MYO9A: variants seen among roughly 807,000 people sequenced by gnomAD.
MYO9A encodes myosin IXA, also known as unconventional myosin-IXa.
MYO9A carries 103 observed loss-of-function variants against 293.3 expected under a neutral mutation model. That is an observed-to-expected ratio of 0.35 (90% confidence interval 0.30 to 0.41). The LOEUF is 0.41. Among genes scored for constraint, MYO9A ranks in the 10% least tolerant of loss-of-function variants. MYO9A has a pLI of 1.00. For synonymous variants in MYO9A, 1,001 were observed against 1,035.7 expected (o/e 0.97, Z 0.64); for missense variants, 2,685 against 3,033.0 (o/e 0.89, Z 2.69).
intron 1 of MYO9A, among the ~76,000 whole-genome samples, chr15:72,049,184 C>T (rs2078480317): frequency 1.3e-5 from 2 of 152,036 alleles, no homozygotes; most frequent in African/African-American, 4.8e-5. Flanking sequence ...ATGTTTACTA[C>T]TTTTTTAAGA....
intron 39 of MYO9A, among the ~76,000 whole-genome samples, chr15:71,841,690 C>A (rs1596005321): frequency 6.6e-6 from 1 of 151,942 alleles, no homozygotes; most frequent in East Asian, 1.9e-4. Flanking sequence ...GTCACCCAGG[C>A]TGGAGTGCAG....
intron 19 of MYO9A, among the ~76,000 whole-genome samples, chr15:71,913,159 C>T (rs772961345): frequency 1.6e-4 from 25 of 152,006 alleles, no homozygotes; most frequent in Admixed American, 1.0e-3. Context: ...TTGCTATTTT[C>T]GTTTTTTTAC....
intron 18 of MYO9A, among the ~76,000 whole-genome samples, chr15:71,917,639 AT>A (rs1265866208): frequency 1.3e-5 from 2 of 152,234 alleles, no homozygotes; most frequent in Non-Finnish European, 1.5e-5. Flanking sequence ...CAACTAAAGT[AT>A]ACAAAGTAAA....
At chr15:71,912,732 T>A (rs563749727) in intron 19 of MYO9A, among the ~76,000 whole-genome samples, 1 of 152,206 alleles carries the variant, frequency 6.6e-6, no homozygotes, top group Non-Finnish European at 1.5e-5. Context: ...TCTGAAAATG[T>A]CTCTACTTAA....
At chr15:71,889,444 CTTTTTTTTTTTT>C (rs34913367) in intron 26 of MYO9A, 1 of 87,656 alleles carries the variant, frequency 1.1e-5, no homozygotes, top group Non-Finnish European at 2.1e-5. Flanking sequence ...TCTAACAAAC[CTTTTTTTTTTTT>C]TTTTTTTTTT....
chr15:72,023,600 C>T (rs188835312), intron 4 of MYO9A, among the ~76,000 whole-genome samples: 5 of 149,670 alleles, frequency 3.3e-5, no homozygotes, highest in Non-Finnish European at 4.4e-5. Flanking sequence ...GAGGCTGAGG[C>T]AGGAGAATCA....
intron 15 of MYO9A, among the ~76,000 whole-genome samples, chr15:71,940,479 G>A (rs2058745892): frequency 6.6e-6 from 1 of 152,048 alleles, no homozygotes; most frequent in African/African-American, 2.4e-5. Flanking sequence ...GTGACAGAGT[G>A]AGACCCTGTC....
At chr15:71,887,715 ACTTG>A (rs1406468676) in intron 27 of MYO9A, among the ~76,000 whole-genome samples, 8 of 152,128 alleles carry the variant, frequency 5.3e-5, no homozygotes, top group African/African-American at 1.9e-4. Flanking sequence ...GTATGCACTA[ACTTG>A]CTTATTTTTC....
intron 1 of MYO9A, among the ~76,000 whole-genome samples, chr15:72,061,587 G>A (rs942911882): frequency 6.6e-6 from 1 of 151,128 alleles, no homozygotes; most frequent in African/African-American, 2.4e-5. Context: ...GTAGCCACAG[G>A]GAGAGACTCC....
At chr15:71,930,969 C>T (rs2058459106) in intron 18 of MYO9A, among the ~76,000 whole-genome samples, 1 of 152,166 alleles carries the variant, frequency 6.6e-6, no homozygotes, top group Non-Finnish European at 1.5e-5. Flanking sequence ...CACTTTTACT[C>T]ACCCTTCATG....
At chr15:71,855,741 C>T (rs562185401) in intron 34 of MYO9A, among the ~76,000 whole-genome samples, 61 of 152,236 alleles carry the variant, frequency 4.0e-4, no homozygotes, top group South Asian at 1.0e-3. Context: ...TATCACTAAC[C>T]AATTAGACTA....
rs1348026359 is a variant in MYO9A at position 71,899,702 on chromosome 15, A to C, written c.3455T>G (p.Phe1152Cys). The change falls in exon 24 of 42, where the codon TTC (phenylalanine) becomes TGC (cysteine). Residue 1152 changes from phenylalanine to cysteine, a missense_variant. Coordinates refer to ENST00000356056, the MANE Select transcript of MYO9A (RefSeq NM_006901.4). ...TAGAGATTACCTTTGTCTTGCTCTG[A>C]ATCCTCTACATGTTGATTGCAAAAG... Reference protein sequence around the residue: ...IILLQSTCRGFRARQRFKALK... With the variant: ...IILLQSTCRGCRARQRFKALK... 6.2e-7 allele frequency: 1 copy of C among 1,612,718 alleles called. No individual in the cohort carries two copies. The highest frequency in any genetic ancestry group is 1.3e-5 in the African/African-American group (1 of 74,768).
intron 26 of MYO9A, chr15:71,892,988 C>A: frequency 7.8e-7 from 1 of 1,283,082 alleles, no homozygotes; most frequent in South Asian, 1.3e-5. Context: ...CTGTGAGAGG[C>A]CTGACCCAGG....
chr15:72,033,325 C>T (rs1028961980), intron 2 of MYO9A, among the ~76,000 whole-genome samples: 21 of 152,018 alleles, frequency 1.4e-4, no homozygotes, highest in Admixed American at 1.4e-3. Flanking sequence ...AAAATAATTA[C>T]AATTTTAGAA....
intron 13 of MYO9A, among the ~76,000 whole-genome samples, chr15:71,961,609 C>T (rs968929675): frequency 6.6e-6 from 1 of 152,170 alleles, no homozygotes; most frequent in African/African-American, 2.4e-5. Context: ...AATATCTTGG[C>T]TCCTATCACA....
At chr15:71,937,317 GAAGAGGC>G (rs756186981) in intron 16 of MYO9A, among the ~76,000 whole-genome samples, 1 of 152,068 alleles carries the variant, frequency 6.6e-6, no homozygotes, top group Non-Finnish European at 1.5e-5. Context: ...TTCCTGTAAG[GAAGAGGC>G]AACTGATGTG....
At chr15:71,887,970 T>C in intron 27 of MYO9A, 34 bp downstream of exon 27, 1 of 1,222,262 alleles carries the variant, frequency 8.2e-7, no homozygotes. Flanking sequence ...AATAAAATTA[T>C]ATAACCCCTG....
chr15:71,908,351 G>C (rs1451362208), intron 19 of MYO9A, among the ~76,000 whole-genome samples: 1 of 152,110 alleles, frequency 6.6e-6, no homozygotes, highest in African/African-American at 2.4e-5. Flanking sequence ...TTTTAGTAGA[G>C]ACGAGGTTTC....
At chr15:72,050,405 A>G (rs1271680617) in intron 1 of MYO9A, among the ~76,000 whole-genome samples, 1 of 152,090 alleles carries the variant, frequency 6.6e-6, no homozygotes, top group African/African-American at 2.4e-5. Context: ...TCAGGAGATC[A>G]GGACCATCCT....
Sources: gnomAD v4.1 joint callset for allele counts (sites outside exome capture counted in the v4.1 genomes callset) on GRCh38, gnomAD v4.1.1 for gene constraint, MANE v1.5 for transcripts, NCBI Gene and HGNC (gene_info 2026-07-23, HGNC 2026-07-21) for gene names.